DCHS1: variants seen among roughly 807,000 people sequenced by gnomAD.
DCHS1 encodes the protein dachsous cadherin-related 1, also known as protocadherin-16.
A neutral mutation model predicts 213.9 loss-of-function variants in DCHS1; 78 were observed. The observed-to-expected ratio is 0.36, with a 90% CI of 0.30 to 0.44. DCHS1 has a LOEUF of 0.44. Among genes scored for constraint, DCHS1 ranks in the 20% least tolerant of loss-of-function variants. DCHS1 has a pLI of 1.00. For missense variants in DCHS1, 3,946 were observed against 4,395.9 expected, an observed-to-expected ratio of 0.90 and a Z score of 2.89; for synonymous variants, 1,828 against 1,873.7, an observed-to-expected ratio of 0.98 and a Z score of 0.63.
Position 6,630,571 on chromosome 11 carries a change from C to A in DCHS1, c.4223G>T (p.Arg1408Leu). Reference sequence around the variant, plus strand: ...GCCCGCGCCTCCCGGCCCCTCAGCGCGTACCGTAAGCGCGCGCCACGGCGG... The same window carrying A: ...GCCCGCGCCTCCCGGCCCCTCAGCGAGTACCGTAAGCGCGCGCCACGGCGG... ...AGPPWRALTV[R>L]AEGPGGAGAR... The change falls in exon 10 of 21, where the codon CGC becomes CTC. Residue 1408 changes from arginine (R) to leucine (L), a missense_variant. This residue lies in a region of DCHS1 where 3,384 missense variants were observed against 3,780.1 expected (regional missense o/e 0.90). Coordinates refer to ENST00000299441, the MANE Select transcript of DCHS1 (RefSeq NM_003737.4). 8.4e-6 allele frequency: 13 copies of A among 1,540,986 alleles called. No homozygotes were observed. The highest frequency in any genetic ancestry group is 1.1e-5 in the Non-Finnish European group (13 of 1,150,918).
rs770397594 is a variant in DCHS1 at position 6,622,239 on chromosome 11, G to A, written c.9437C>T (p.Ala3146Val). Reference protein sequence around the residue: ...PADGKPCVAGALTAIVAGEEE... With the variant: ...PADGKPCVAGVLTAIVAGEEE... ...CTCGCCGGCCACAATGGCTGTCAGC[G>A]CACCTGCCACACATGGCTTGCCATC... The change falls in exon 21 of 21, where the codon GCG becomes GTG. Residue 3146 changes from alanine to valine, a missense_variant. Physicochemically the swap from Ala to Val is moderately conservative, Grantham distance 64. Around this residue, in one of 3 missense-constraint regions of DCHS1, gnomAD observed 554 missense variants for 590.2 expected, o/e 0.94. Coordinates refer to ENST00000299441, the MANE Select transcript of DCHS1 (RefSeq NM_003737.4). The surrounding 1 kb of genome is among the most constrained non-coding windows in gnomAD (Gnocchi z 5.4). 20 of 1,599,886 alleles carry A rather than the reference G, an allele frequency of 1.3e-5. No individual in the cohort carries two copies. Among genetic ancestry groups the A allele is most frequent in the East Asian group, 2.3e-5 (1 of 44,438 alleles).
chr11:6,650,959 T>G (rs903070434), intron 1 of DCHS1, among the ~76,000 whole-genome samples: 5 of 152,032 alleles, frequency 3.3e-5, no homozygotes, highest in Non-Finnish European at 5.9e-5. Flanking sequence ...GTGTGAAAAT[T>G]TCTTAATTAT....
At chr11:6,654,334 A>C (rs1422142568) in intron 1 of DCHS1, among the ~76,000 whole-genome samples, 1 of 152,164 alleles carries the variant, frequency 6.6e-6, no homozygotes, top group Non-Finnish European at 1.5e-5. Flanking sequence ...CCAAGGAAGT[A>C]AACCTAATAA....
In DCHS1 at chr11:6,621,820, A is replaced by C; in HGVS notation, c.9856T>G (p.Ser3286Ala). 6.2e-7 allele frequency: 1 copy of C among 1,606,298 alleles called. No individual in the cohort carries two copies. Among genetic ancestry groups the C allele is most frequent in the Non-Finnish European group, 8.5e-7 (1 of 1,176,836 alleles). Residue 3286 changes from serine to alanine, a missense_variant, in exon 21 of 21, where the codon TCT (serine) becomes GCT (alanine). Coordinates refer to ENST00000299441, the MANE Select transcript of DCHS1 (RefSeq NM_003737.4). ...GTGTCATCAGGTGGCTCCAGGCCAG[A>C]CTCTGCGCTGAGTGCTGAGGCTGAG... ...GPSASALSAE[S>A]GLEPPDDTEL...
In DCHS1 at chr11:6,623,889, T is replaced by C; in HGVS notation, c.7787A>G (p.Asn2596Ser). ...TCGGGTAAAGACAGGTGGGTTGTCA[T>C]TGACATCTAGTACAGTGACAGTGAC... is the stretch of plus-strand genomic sequence containing the variant. ...VPVTVTVLDV[N>S]DNPPVFTRAS... The change falls in exon 21 of 21, where the codon AAT (asparagine) becomes AGT (serine). Residue 2596 changes from asparagine (N) to serine (S), a missense_variant. Physicochemically the swap from Asn to Ser is conservative, Grantham distance 46. This residue lies in a region of DCHS1 where 3,384 missense variants were observed against 3,780.1 expected (regional missense o/e 0.90). Coordinates refer to ENST00000299441, the MANE Select transcript of DCHS1 (RefSeq NM_003737.4). 2 of 1,610,866 alleles carry C rather than the reference T, an allele frequency of 1.2e-6. No individual in the cohort carries two copies. Among genetic ancestry groups the C allele is most frequent in the Non-Finnish European group, 8.5e-7 (1 of 1,177,640 alleles).
At chr11:6,637,827 C>T (rs201592822) in intron 2 of DCHS1, among the ~76,000 whole-genome samples, 6 of 152,170 alleles carry the variant, frequency 3.9e-5, no homozygotes, top group East Asian at 1.9e-4. Context: ...AGGGGAGTGA[C>T]GCATTCATGA....
rs1855833596 is a variant in DCHS1 at position 6,627,660 on chromosome 11, G to A, written c.5379C>T (p.Asp1793=). The change falls in exon 14 of 21, where the codon GAC becomes GAT. Residue 1793 remains aspartate (D), a synonymous_variant. Transcript: ENST00000299441. The surrounding 1 kb of genome is among the most constrained non-coding windows in gnomAD (Gnocchi z 5.4). ...GQLQYRILDG[D]PSGAFVLDLA... is the part of the protein sequence containing the mutation. ...GGTCTAGGACAAAGGCTCCTGATGG[G>A]TCCCCATCTGCAGAGAAGGGCATGC... The A allele has an allele frequency of 6.2e-6, 10 of 1,611,568 alleles. No individual in the cohort carries two copies. Among genetic ancestry groups the A allele is most frequent in the Non-Finnish European group, 7.6e-6 (9 of 1,178,606 alleles).
At chr11:6,624,481 G>C (rs1855761503) in intron 20 of DCHS1, 91 bp from the exon 21 acceptor site, 1 of 1,416,448 alleles carries the variant, frequency 7.1e-7, no homozygotes, top group African/African-American at 1.4e-5. Flanking sequence ...AAATGGTTTT[G>C]GAAGTCAGAC....
intron 2 of DCHS1, among the ~76,000 whole-genome samples, chr11:6,637,504 C>G (rs1856002260): frequency 6.6e-6 from 1 of 152,038 alleles, no homozygotes; most frequent in Non-Finnish European, 1.5e-5. Context: ...CTTGGCTGAG[C>G]CTCCCTGCAG....
In DCHS1 at chr11:6,624,248, G is replaced by A. The variant is rs569335271; in HGVS notation, c.7428C>T (p.Asn2476=). 1.4e-5 allele frequency: 22 copies of A among 1,612,376 alleles called. No homozygotes were observed. The highest frequency in any genetic ancestry group is 1.3e-4 in the Admixed American group (8 of 59,820). ...ACAATGTGAAGCTCGGGGCGTGGTC[G>A]TTCTGGTCCTGCAGCTGCACGTGCA... ...ATVHVQLQDQ[N]DHAPSFTLSH... The change falls in exon 21 of 21, where the codon AAC becomes AAT. Residue 2476 remains asparagine, a synonymous_variant. Transcript: ENST00000299441.
In DCHS1 at chr11:6,641,683, A is replaced by G. The variant is rs1018327483; in HGVS notation, c.-70T>C. 3.4e-6 allele frequency: 5 copies of G among 1,469,536 alleles called. No homozygotes were observed. In the East Asian group the frequency reaches 1.2e-4, roughly 37 times the overall value. The allele number at this position is 1,469,536 out of a possible 1,614,324, so 91.0% of individuals were successfully genotyped here. On this transcript the variant is annotated 5_prime_UTR_variant, in exon 2 of 21. Coordinates refer to ENST00000299441, the MANE Select transcript of DCHS1 (RefSeq NM_003737.4). This position sits in a 1 kb window ranked among gnomAD's most constrained non-coding sequence, Gnocchi z 7.1. The stretch of plus-strand genomic sequence containing the variant: ...GGCTCTGGGCCCAGCTTGACCTCAG[A>G]CTTTGGGTCAGGTCCCACTGGGGCC...
In DCHS1 at chr11:6,634,012, G is replaced by C. The variant is rs764435662; in HGVS notation, c.1995C>G (p.Leu665=). ...FTVTAVDGGG[L]KSMVYVKVFL... ...ACACCTTCACATATACCATGGACTT[G>C]AGGCCTCCCTGGTGGGACATGCAGC... Residue 665 remains leucine (L), a synonymous_variant, in exon 4 of 21, where the codon CTC becomes CTG. Coordinates refer to ENST00000299441, the MANE Select transcript of DCHS1 (RefSeq NM_003737.4). 1 of 1,613,816 alleles carries C rather than the reference G, an allele frequency of 6.2e-7. No individual in the cohort carries two copies. The highest frequency in any genetic ancestry group is 2.2e-5 in the East Asian group (1 of 44,886).
chr11:6,622,310 G>GC lies in DCHS1; in HGVS notation c.9365dup (p.Cys3123LeufsTer40). On this transcript the variant is annotated frameshift_variant, in exon 21 of 21. Transcript: ENST00000299441. LOFTEE classifies it high-confidence loss of function. This position sits in a 1 kb window ranked among gnomAD's most constrained non-coding sequence, Gnocchi z 5.4. ...CAGTGGGTGCAGGGCTCAGGCCACA[G>GC]CCCCCCAGGAAGGCTGTGGCAGTGG... The GC allele has an allele frequency of 6.2e-7, 1 of 1,606,182 alleles. No homozygotes were observed. Among genetic ancestry groups the GC allele is most frequent in the Non-Finnish European group, 8.5e-7 (1 of 1,176,624 alleles).
chr11:6,644,543 C>T (rs1856127880), intron 1 of DCHS1, among the ~76,000 whole-genome samples: 1 of 152,252 alleles, frequency 6.6e-6, no homozygotes, highest in Admixed American at 6.5e-5. Context: ...TTTTGGTAAA[C>T]ACTGACAATA....
chr11:6,623,075 G>C lies in DCHS1; in HGVS notation c.8601C>G (p.Ala2867=), dbSNP rs1414050267. 4 of 1,592,236 alleles carry C rather than the reference G, an allele frequency of 2.5e-6. No individual in the cohort carries two copies. The East Asian group carries it at 6.9e-5, about 27-fold the overall frequency. The change falls in exon 21 of 21, where the codon GCC becomes GCG. Residue 2867 remains alanine, a synonymous_variant. Transcript: ENST00000299441. ...CCCGACTGTCCACCCGCAGGTACAG[G>C]GCTCCTGTAGTCTGGTTAATACCAA... ...PYFGINQTTG[A]LYLRVDSRAP... is the part of the protein sequence containing the mutation.
In DCHS1 at chr11:6,627,526, G is replaced by A. The variant is rs777338855; in HGVS notation, c.5513C>T (p.Thr1838Met). The A allele has an allele frequency of 1.0e-4, 169 of 1,612,458 alleles. No homozygotes were observed. Among genetic ancestry groups the A allele is most frequent in the Non-Finnish European group, 1.4e-4 (164 of 1,179,480 alleles). The change falls in exon 14 of 21, where the codon ACG becomes ATG. Residue 1838 changes from threonine to methionine, a missense_variant. This residue lies in a region of DCHS1 where 3,384 missense variants were observed against 3,780.1 expected (regional missense o/e 0.90). Transcript: ENST00000299441. The surrounding 1 kb of genome is among the most constrained non-coding windows in gnomAD (Gnocchi z 5.4). ...RDGGQPALSA[T>M]LLLTVTVLDA... ...CAGCACTGTCACTGTCAAAAGCAGC[G>A]TGGCACTGAGAGCTGGCTGGCCTCC... is the stretch of plus-strand genomic sequence containing the variant.
intron 2 of DCHS1, among the ~76,000 whole-genome samples, chr11:6,635,403 G>T (rs990237361): frequency 6.6e-6 from 1 of 152,218 alleles, no homozygotes; most frequent in East Asian, 1.9e-4. Context: ...TAGTGGGTTA[G>T]CTGGTGCTGA....
rs1855686216 is a variant in DCHS1, at chr11:6,621,546, TACC to T, written c.*230_*232del. 1.5e-6 allele frequency: 1 copy of T among 677,748 alleles called. No homozygotes were observed. Among genetic ancestry groups the T allele is most frequent in the Non-Finnish European group, 2.7e-6 (1 of 370,872 alleles). The allele number at this position is 677,748 out of a possible 1,614,324, so 42.0% of individuals were successfully genotyped here. ...CTCACTGAGGAGAACCCAGGGCTGC[TACC>T]TCCTTCATATTTCTCCCCACATTGG... is the stretch of plus-strand genomic sequence containing the variant. On this transcript the variant is annotated 3_prime_UTR_variant, in exon 21 of 21. Transcript: ENST00000299441.
At chr11:6,651,659 T>C (rs1856244100) in intron 1 of DCHS1, among the ~76,000 whole-genome samples, 1 of 152,064 alleles carries the variant, frequency 6.6e-6, no homozygotes, top group South Asian at 2.1e-4. Flanking sequence ...AGATGGTAGA[T>C]GAGGGCAACA....
Sources: allele counts gnomAD v4.1 joint callset (sites outside exome capture counted in the v4.1 genomes callset), GRCh38; gene constraint gnomAD v4.1.1; regional missense constraint gnomAD v4.1.1; non-coding constraint Gnocchi (gnomAD v3.1); transcripts MANE v1.5; gene names NCBI Gene and HGNC (gene_info 2026-07-23, HGNC 2026-07-21).